Variants in NFE2L3 observed in about 807,000 individuals in gnomAD.
NFE2L3 encodes nuclear factor erythroid 2-related factor 3.
A neutral mutation model predicts 23.5 loss-of-function variants in NFE2L3; 18 were observed. The ratio of observed to expected loss-of-function variants is 0.77; its 90% CI spans 0.53 to 1.13. NFE2L3 has a LOEUF of 1.13. NFE2L3 is among the 50% of genes most tolerant of loss of function. NFE2L3 has a pLI of 0.00. For synonymous variants in NFE2L3, 424 were observed against 354.5 expected, an observed-to-expected ratio of 1.20 and a Z score of -2.20; for missense variants, 1,152 against 877.2, an observed-to-expected ratio of 1.31 and a Z score of -3.96.
In NFE2L3 at chr7:26,187,114, C is replaced by T. The variant is rs559271828; in HGVS notation, c.*1331C>T. ...GTTGGATTTTTATAATAAAGTTTCC[C>T]AAGACCTGTTATTTTGCCAGAAATG... is the stretch of plus-strand genomic sequence containing the variant. On this transcript the variant is annotated 3_prime_UTR_variant, in exon 4 of 4. Transcript: ENST00000056233. 3 of 152,220 alleles carry T rather than the reference C, an allele frequency of 2.0e-5. No homozygotes were observed. Among genetic ancestry groups the T allele is most frequent in the South Asian group, 2.1e-4 (1 of 4,822 alleles). 9.4% of individuals were successfully genotyped at this position (152,220 alleles called of 1,614,324 possible).
intron 1 of NFE2L3, among the ~76,000 whole-genome samples, chr7:26,155,824 C>T (rs1784073571): frequency 6.6e-6 from 1 of 152,156 alleles, no homozygotes; most frequent in Admixed American, 6.5e-5. Context: ...CCATAAGCTG[C>T]TTGAATCACT....
In NFE2L3 at chr7:26,185,555, T is replaced by C. The variant is rs140562009; in HGVS notation, c.1857T>C (p.Thr619=). The change falls in exon 4 of 4, where the codon ACT becomes ACC. Residue 619 remains threonine (T), a synonymous_variant. Coordinates refer to ENST00000056233, the MANE Select transcript of NFE2L3 (RefSeq NM_004289.7). ...GTAACTTGCAAGCAAAGAAGGAAAC[T>C]CTTAAGAGAGAGCAAGCACAATGTA... ...DVCNLQAKKE[T]LKREQAQCNK... 1 of 1,613,840 alleles carries C rather than the reference T, an allele frequency of 6.2e-7. No individual in the cohort carries two copies. The highest frequency in any genetic ancestry group is 1.1e-5 in the South Asian group (1 of 91,064).
Position 26,178,052 on chromosome 7 carries a change from A to G in NFE2L3, c.680A>G (p.Asp227Gly). The change falls in exon 2 of 4, where the codon GAT becomes GGT. Residue 227 changes from aspartate (D) to glycine (G), a missense_variant. By Grantham distance (94) the Asp-to-Gly change is moderately conservative. Coordinates refer to ENST00000056233, the MANE Select transcript of NFE2L3 (RefSeq NM_004289.7). ...AAGGAGAACTCACTTCAGCAGAATG[A>G]TGATGATGAAAACAAAATAGCAGAG... ...AQKENSLQQN[D>G]DDENKIAEKP... 6.2e-7 allele frequency: 1 copy of G among 1,614,186 alleles called. No individual in the cohort carries two copies.
intron 1 of NFE2L3, among the ~76,000 whole-genome samples, chr7:26,170,950 T>G (rs1215507048): frequency 6.6e-6 from 1 of 152,198 alleles, no homozygotes; most frequent in Non-Finnish European, 1.5e-5. Flanking sequence ...TCCCAGCTAC[T>G]GGGGAAGCTG....
At chr7:26,172,726 GAA>G (rs1784344376) in intron 1 of NFE2L3, among the ~76,000 whole-genome samples, 1 of 152,178 alleles carries the variant, frequency 6.6e-6, no homozygotes, top group Non-Finnish European at 1.5e-5. Context: ...TTTTTGGTGA[GAA>G]AATCACAGAA....
intron 2 of NFE2L3, among the ~76,000 whole-genome samples, chr7:26,179,985 A>G (rs1027902862): frequency 6.6e-6 from 1 of 152,086 alleles, no homozygotes; most frequent in African/African-American, 2.4e-5. Flanking sequence ...CTGGTCCTTT[A>G]GGACTCTTCC....
At chr7:26,179,512 A>G (rs945384537) in intron 2 of NFE2L3, among the ~76,000 whole-genome samples, 3 of 151,560 alleles carry the variant, frequency 2.0e-5, no homozygotes, top group East Asian at 3.9e-4. Flanking sequence ...AAAAAAAAAA[A>G]AAAAGTATAA....
At chr7:26,160,836 A>T (rs79654118) in intron 1 of NFE2L3, among the ~76,000 whole-genome samples, 1 of 152,242 alleles carries the variant, frequency 6.6e-6, no homozygotes, top group South Asian at 2.1e-4. Context: ...TTTAAAACTG[A>T]CCATCACGCC....
At chr7:26,180,209 A>G (rs1432135184) in intron 2 of NFE2L3, among the ~76,000 whole-genome samples, 1 of 152,148 alleles carries the variant, frequency 6.6e-6, no homozygotes, top group Non-Finnish European at 1.5e-5. Flanking sequence ...ACTGAGTTCT[A>G]AGTGGTCTCC....
chr7:26,168,766 G>A (rs923217295), intron 1 of NFE2L3, among the ~76,000 whole-genome samples: 6 of 152,020 alleles, frequency 3.9e-5, no homozygotes. Flanking sequence ...TCAAATGGTA[G>A]TTCTACTCTT....
In NFE2L3 at chr7:26,185,987, A is replaced by G; in HGVS notation, c.*204A>G. 2.1e-6 allele frequency: 1 copy of G among 476,618 alleles called. No individual in the cohort carries two copies. Among genetic ancestry groups the G allele is most frequent in the South Asian group, 4.1e-5 (1 of 24,556 alleles). 29.5% of individuals were successfully genotyped at this position (476,618 alleles called of 1,614,324 possible). A position where few individuals can be genotyped will look rare whatever the true frequency, so the allele number is the denominator to read the frequency against. ...CTTGTGGGCAATCTGGGGGAGCCACAACTTTTCATGAAGTGCATTGTATAC... is the reference window on the plus strand; with the variant it reads ...CTTGTGGGCAATCTGGGGGAGCCACGACTTTTCATGAAGTGCATTGTATAC... On this transcript the variant is annotated 3_prime_UTR_variant, in exon 4 of 4. Coordinates refer to ENST00000056233, the MANE Select transcript of NFE2L3 (RefSeq NM_004289.7).
intron 1 of NFE2L3, among the ~76,000 whole-genome samples, chr7:26,170,448 T>C (rs1784317328): frequency 6.6e-6 from 1 of 152,196 alleles, no homozygotes; most frequent in African/African-American, 2.4e-5. Flanking sequence ...TAATGAGCTG[T>C]GTTTCTCACC....
chr7:26,165,180 G>A (rs557565771), intron 1 of NFE2L3, among the ~76,000 whole-genome samples: 40 of 152,260 alleles, frequency 2.6e-4, no homozygotes, highest in African/African-American at 8.4e-4. Flanking sequence ...TTCCAATTCT[G>A]TGAAGACAGT....
At chr7:26,178,856 T>TCAGG (rs967664578) in intron 2 of NFE2L3, among the ~76,000 whole-genome samples, 5 of 152,090 alleles carry the variant, frequency 3.3e-5, no homozygotes, top group African/African-American at 4.8e-5. Flanking sequence ...AGGCATACCC[T>TCAGG]CAGGGGTCTT....
chr7:26,174,946 ATTAT>A (rs1311763697), intron 1 of NFE2L3: 1 of 152,190 alleles, frequency 6.6e-6, no homozygotes, highest in Non-Finnish European at 1.5e-5. Context: ...TAGCCTTTTA[ATTAT>A]TTAGGTCTCC....
At chr7:26,170,948 A>G (rs952660243) in intron 1 of NFE2L3, among the ~76,000 whole-genome samples, 1 of 152,166 alleles carries the variant, frequency 6.6e-6, no homozygotes, top group African/African-American at 2.4e-5. Context: ...AGTCCCAGCT[A>G]CTGGGGAAGC....
At chr7:26,182,133 C>T (rs562710875) in intron 2 of NFE2L3, among the ~76,000 whole-genome samples, 1 of 152,096 alleles carries the variant, frequency 6.6e-6, no homozygotes, top group South Asian at 2.1e-4. Flanking sequence ...AAGTCCTAGA[C>T]ATACCAGATT....
chr7:26,152,698 G>A lies in NFE2L3; in HGVS notation c.200G>A (p.Gly67Glu). The change falls in exon 1 of 4, where the codon GGG (glycine) becomes GAG (glutamate). Residue 67 changes from glycine to glutamate, a missense_variant. Physicochemically the swap from Gly to Glu is moderately conservative, Grantham distance 98. Transcript: ENST00000056233. This position sits in a 1 kb window ranked among gnomAD's most constrained non-coding sequence, Gnocchi z 4.4. ...YALSPFSASG[G>E]WGRAGHLHPK... ...CTCAGCCCCTTCTCGGCCTCGGGAGGGTGGGGGCGCGCGGGCCACTTGCAC... is the reference window on the plus strand; with the variant it reads ...CTCAGCCCCTTCTCGGCCTCGGGAGAGTGGGGGCGCGCGGGCCACTTGCAC... 6.8e-7 allele frequency: 1 copy of A among 1,479,988 alleles called. No homozygotes were observed. 91.7% of individuals were successfully genotyped at this position (1,479,988 alleles called of 1,614,324 possible). A position where few individuals can be genotyped will look rare whatever the true frequency, so the allele number is the denominator to read the frequency against.
rs771300184 is a variant in NFE2L3, at chr7:26,185,401, G to C, written c.1703G>C (p.Arg568Thr). The change falls in exon 4 of 4, where the codon AGA becomes ACA. Residue 568 changes from arginine to threonine, a missense_variant. Arg to Thr is a moderately conservative substitution (Grantham distance 71). Transcript: ENST00000056233. The part of the protein sequence containing the change: ...PVDSFNSMLS[R>T]YYLTDLQVSL... The stretch of plus-strand genomic sequence containing the variant: ...GATTCTTTCAATAGCATGTTAAGTA[G>C]ATATTATCTGACAGACCTACAAGTC... 6.2e-7 allele frequency: 1 copy of C among 1,613,988 alleles called. No homozygotes were observed. Among genetic ancestry groups the C allele is most frequent in the African/African-American group, 1.3e-5 (1 of 74,906 alleles).
Sources: gnomAD v4.1 joint callset for allele counts (sites outside exome capture counted in the v4.1 genomes callset) on GRCh38, gnomAD v4.1.1 for gene constraint, Gnocchi (gnomAD v3.1) non-coding constraint, MANE v1.5 for transcripts, NCBI Gene and HGNC (gene_info 2026-07-23, HGNC 2026-07-21) for gene names.